The following SAMD5 variants were observed in gnomAD, a reference collection of about 807,000 sequenced individuals.
SAMD5 encodes sterile alpha motif domain-containing protein 5.
Under a neutral mutation model 11.3 loss-of-function variants are expected in SAMD5, and 13 were observed. That is an observed-to-expected ratio of 1.15 (90% CI 0.75 to 1.83). The LOEUF is 1.83. Ranked by LOEUF, SAMD5 falls within the 40% of genes most tolerant of loss-of-function variation. SAMD5 has a pLI of 0.00. For synonymous variants in SAMD5, 129 were observed against 111.3 expected (o/e 1.16, Z -1.00); for missense variants, 255 against 239.1 (o/e 1.07, Z -0.44).
chr6:147,744,044 G>A, the SAMD5 span, among the ~76,000 whole-genome samples: 2 of 152,162 alleles, frequency 1.3e-5, no homozygotes, highest in Admixed American at 6.5e-5. Flanking sequence ...TCAGAGTCAC[G>A]TAACTAATGT....
At chr6:147,826,338 T>A in the SAMD5 span, among the ~76,000 whole-genome samples, 1 of 152,176 alleles carries the variant, frequency 6.6e-6, no homozygotes, top group Non-Finnish European at 1.5e-5. Flanking sequence ...CCCTAGAGTG[T>A]GGTGAAGTAA....
chr6:147,613,373 G>A (rs893254041), intron 1 of SAMD5, among the ~76,000 whole-genome samples: 5 of 151,794 alleles, frequency 3.3e-5, no homozygotes, highest in African/African-American at 1.2e-4. Context: ...CTAAGAGATA[G>A]TCTGATCCAT....
At chr6:147,816,302 A>AAAAAAAAAAAAAAATC in the SAMD5 span, among the ~76,000 whole-genome samples, 2 of 43,230 alleles carry the variant, frequency 4.6e-5, 1 homozygote, top group African/African-American at 2.7e-4. Flanking sequence ...AAAAAAAAAA[A>AAAAAAAAAAAAAAATC]TATATATATA....
intron 1 of SAMD5, among the ~76,000 whole-genome samples, chr6:147,597,731 G>C (rs1183155506): frequency 6.6e-6 from 1 of 152,208 alleles, no homozygotes; most frequent in African/African-American, 2.4e-5. Flanking sequence ...GTTGCAACCA[G>C]TTTTTTCCTG....
the SAMD5 span, among the ~76,000 whole-genome samples, chr6:147,767,893 A>G: frequency 6.6e-6 from 1 of 152,236 alleles, no homozygotes; most frequent in Non-Finnish European, 1.5e-5. Context: ...AAAAATAGAA[A>G]TAAAAGCATA....
chr6:147,928,255 A>G, the SAMD5 span, among the ~76,000 whole-genome samples: 3 of 152,148 alleles, frequency 2.0e-5, no homozygotes, highest in South Asian at 6.2e-4. Flanking sequence ...TTCTTTGTAC[A>G]TCTGGTAGAA....
intron 1 of SAMD5, among the ~76,000 whole-genome samples, chr6:147,585,971 A>G (rs1368539180): frequency 6.6e-6 from 1 of 152,192 alleles, no homozygotes; most frequent in Non-Finnish European, 1.5e-5. Flanking sequence ...GTCGCAGTTC[A>G]GAGCAACATG....
the SAMD5 span, among the ~76,000 whole-genome samples, chr6:147,883,990 C>G: frequency 6.6e-6 from 1 of 152,180 alleles, no homozygotes; most frequent in South Asian, 2.1e-4. Flanking sequence ...GTCTCTGAGC[C>G]ACTCTTTCCT....
At chr6:147,785,435 T>C in the SAMD5 span, among the ~76,000 whole-genome samples, 3 of 152,264 alleles carry the variant, frequency 2.0e-5, no homozygotes, top group East Asian at 5.8e-4. Flanking sequence ...TTTTTGACAT[T>C]CACCTGATTT....
the SAMD5 span, among the ~76,000 whole-genome samples, chr6:147,757,284 C>T: frequency 6.6e-6 from 1 of 152,122 alleles, no homozygotes; most frequent in Admixed American, 6.6e-5. Context: ...ATTCAGGGTG[C>T]TACTATAGGG....
At position 147,567,360 on chromosome 6, in the gene SAMD5, C is replaced by T; in HGVS notation, c.*2904C>T. On this transcript the variant is annotated 3_prime_UTR_variant, in exon 2 of 2. Transcript: ENST00000367474. ...GTTATGCAATAAACAATGACAACAA[C>T]AAGCATTGAGCTTTCACTTTGGAGT... 7.1e-6 allele frequency: 7 copies of T among 984,882 alleles called. No individual in the cohort carries two copies. The highest frequency in any genetic ancestry group is 8.4e-6 in the Non-Finnish European group (7 of 829,438). The allele number at this position is 984,882 out of a possible 1,614,324, so 61.0% of individuals were successfully genotyped here. A position where few individuals can be genotyped will look rare whatever the true frequency, so the allele number is the denominator to read the frequency against.
the SAMD5 span, among the ~76,000 whole-genome samples, chr6:147,919,621 T>C: frequency 6.6e-6 from 1 of 152,336 alleles, no homozygotes; most frequent in Non-Finnish European, 1.5e-5. Flanking sequence ...AAAACCACAA[T>C]ACTTTTCCTT....
intron 1 of SAMD5, among the ~76,000 whole-genome samples, chr6:147,578,461 C>A (rs1342903136): frequency 6.6e-6 from 1 of 152,108 alleles, no homozygotes; most frequent in Non-Finnish European, 1.5e-5. Context: ...AGTGAGGGAG[C>A]TTTAAAAATC....
chr6:147,662,301 A>G (rs1024279473), intron 1 of SAMD5, among the ~76,000 whole-genome samples: 12 of 152,228 alleles, frequency 7.9e-5, no homozygotes, highest in Non-Finnish European at 1.3e-4. Flanking sequence ...GATTATAAGT[A>G]TCTCCTTTCA....
chr6:147,706,507 C>G (rs112086621), intron 1 of SAMD5, among the ~76,000 whole-genome samples: 1 of 152,122 alleles, frequency 6.6e-6, no homozygotes, highest in African/African-American at 2.4e-5. Flanking sequence ...GGACTACAGG[C>G]GTGAGCCACC....
chr6:147,839,512 G>A, the SAMD5 span, among the ~76,000 whole-genome samples: 7 of 152,174 alleles, frequency 4.6e-5, no homozygotes, highest in Non-Finnish European at 8.8e-5. Flanking sequence ...ATTTTGGGGG[G>A]GCTGAGGCAG....
the SAMD5 span, among the ~76,000 whole-genome samples, chr6:147,887,146 TA>T: frequency 2.0e-5 from 3 of 152,246 alleles, no homozygotes; most frequent in African/African-American, 7.2e-5. Flanking sequence ...CTACTTTTTA[TA>T]ACATTTAAGG....
At chr6:147,604,233 G>A (rs1288629535) in intron 1 of SAMD5, among the ~76,000 whole-genome samples, 5 of 149,004 alleles carry the variant, frequency 3.4e-5, no homozygotes, top group Non-Finnish European at 7.4e-5. Context: ...ACTAAATGAT[G>A]CTTAAGTATC....
the SAMD5 span, chr6:147,953,921 A>C: frequency 6.6e-6 from 1 of 152,222 alleles, no homozygotes; most frequent in African/African-American, 2.4e-5. Flanking sequence ...TGCTAGAAAA[A>C]ATTAAAACCG....
Sources: gnomAD v4.1 joint callset for allele counts (sites outside exome capture counted in the v4.1 genomes callset) on GRCh38, gnomAD v4.1.1 for gene constraint, MANE v1.5 for transcripts, NCBI Gene and HGNC (gene_info 2026-07-23, HGNC 2026-07-21) for gene names.